MYOCD: variants seen among roughly 807,000 people sequenced by gnomAD.
MYOCD encodes the protein myocardin.
Under a neutral mutation model 96.1 loss-of-function variants are expected in MYOCD, and 32 were observed. The ratio of observed to expected loss-of-function variants is 0.33; its 90% CI spans 0.25 to 0.45. The LOEUF is 0.45. Ranked by LOEUF, MYOCD falls within the 20% of genes least tolerant of loss-of-function variation. MYOCD has a pLI of 1.00. For missense variants in MYOCD, 1,133 were observed against 1,200.6 expected, an observed-to-expected ratio of 0.94 and a Z score of 0.83; for synonymous variants, 469 against 469.0, an observed-to-expected ratio of 1.00 and a Z score of 0.00.
intron 1 of MYOCD, among the ~76,000 whole-genome samples, chr17:12,692,746 T>C (rs572735351): frequency 1.3e-5 from 2 of 152,314 alleles, no homozygotes; most frequent in African/African-American, 4.8e-5. Flanking sequence ...CCGCACCTGG[T>C]TCTCCCTCTT....
rs1325168653 is a variant in MYOCD, at chr17:12,714,359, A to ACACACACACACACACC, written c.122-1157_122-1156insACACACACACACCCAC. On this transcript the variant is annotated intron_variant, in intron 2 of 13. Transcript: ENST00000425538. ...CACACACACACACACACACACACAC[A>ACACACACACACACACC]CACCCCGATCTGGTCAGAAACCTAA... is the stretch of plus-strand genomic sequence containing the variant. 1.5e-4 allele frequency among the ~76,000 whole-genome samples: 22 copies of ACACACACACACACACC among 149,926 alleles called. No homozygotes were observed. The East Asian group carries it at 4.3e-3, about 29-fold the overall frequency.
chr17:12,763,513 A>G lies in MYOCD; in HGVS notation c.2830A>G (p.Thr944Ala). 6.2e-7 allele frequency: 1 copy of G among 1,614,062 alleles called. No homozygotes were observed. Among genetic ancestry groups the G allele is most frequent in the African/African-American group, 1.3e-5 (1 of 75,002 alleles). Residue 944 changes from threonine (T) to alanine (A), a missense_variant, in exon 14 of 14, where the codon ACT becomes GCT. Transcript: ENST00000425538. ...PWETMEWLDL[T>A]PPNSTPGFSA... ...GGAAACCATGGAGTGGCTGGACCTCACTCCGCCAAATTCCACACCAGGCTT... is the reference window on the plus strand; with the variant it reads ...GGAAACCATGGAGTGGCTGGACCTCGCTCCGCCAAATTCCACACCAGGCTT...
intron 1 of MYOCD, among the ~76,000 whole-genome samples, chr17:12,695,751 A>T (rs1441232197): frequency 6.6e-6 from 1 of 152,204 alleles, no homozygotes; most frequent in Non-Finnish European, 1.5e-5. Flanking sequence ...TTAACTGTAC[A>T]GTTCAGTGGC....
At chr17:12,702,455 G>A (rs2031115086) in intron 1 of MYOCD, among the ~76,000 whole-genome samples, 1 of 151,766 alleles carries the variant, frequency 6.6e-6, no homozygotes, top group South Asian at 2.1e-4. Flanking sequence ...TGTGTCTCTT[G>A]CAGACAACAT....
In MYOCD at chr17:12,668,537, G is replaced by A. The variant is rs530350367; in HGVS notation, c.55+2294G>A. On this transcript the variant is annotated intron_variant, in intron 1 of 13. Transcript: ENST00000425538. ...CTATAAGCTGTATTTGAGTGACCTC[G>A]TGATTAAGGACAAAATTGTGCTACA... 6.6e-5 allele frequency among the ~76,000 whole-genome samples: 10 copies of A among 152,242 alleles called. No individual in the cohort carries two copies. The East Asian group carries it at 1.4e-3, about 21-fold the overall frequency.
At chr17:12,751,396 ATATT>A (rs2050390721) in intron 9 of MYOCD, among the ~76,000 whole-genome samples, 2 of 152,100 alleles carry the variant, frequency 1.3e-5, no homozygotes, top group African/African-American at 4.8e-5. Flanking sequence ...ATGTCAGCAA[ATATT>A]TATAGCATCA....
At chr17:12,681,691 G>A (rs1910477411) in intron 1 of MYOCD, among the ~76,000 whole-genome samples, 1 of 152,150 alleles carries the variant, frequency 6.6e-6, no homozygotes. Context: ...AAAGAACAGT[G>A]TGTACCTGGT....
Position 12,766,033 on chromosome 17 carries a change from G to A in MYOCD, c.*2389G>A, listed in dbSNP as rs1245902462. ...TTCCTTTGAAGATGAAGCTACTGGG[G>A]AAGAAAACCTTATTAATACACTCCA... On this transcript the variant is annotated 3_prime_UTR_variant, in exon 14 of 14. Transcript: ENST00000425538. The A allele has an allele frequency of 6.6e-6, 1 of 152,216 alleles. No homozygotes were observed. Among genetic ancestry groups the A allele is most frequent in the African/African-American group, 2.4e-5 (1 of 41,452 alleles). 9.4% of individuals were successfully genotyped at this position (152,216 alleles called of 1,614,324 possible). A position where few individuals can be genotyped will look rare whatever the true frequency, so the allele number is the denominator to read the frequency against.
intron 1 of MYOCD, among the ~76,000 whole-genome samples, chr17:12,682,173 G>C (rs553560965): frequency 3.7e-4 from 56 of 152,282 alleles, no homozygotes; most frequent in African/African-American, 1.3e-3. Context: ...CCCCAAAGAG[G>C]AACATGTCAG....
intron 3 of MYOCD, among the ~76,000 whole-genome samples, chr17:12,716,662 C>G (rs1231765211): frequency 1.3e-5 from 2 of 152,020 alleles, no homozygotes; most frequent in Non-Finnish European, 2.9e-5. Flanking sequence ...TAACTCTGGT[C>G]TTGGTTAATT....
At chr17:12,714,362 C>CA (rs1597772908) in intron 2 of MYOCD, among the ~76,000 whole-genome samples, 20 of 147,748 alleles carry the variant, frequency 1.4e-4, no homozygotes, top group African/African-American at 2.2e-4. Flanking sequence ...CACACACACA[C>CA]CCCGATCTGG....
chr17:12,678,025 T>C (rs1260333276), intron 1 of MYOCD, among the ~76,000 whole-genome samples: 3 of 151,338 alleles, frequency 2.0e-5, no homozygotes, highest in Non-Finnish European at 4.4e-5. Flanking sequence ...CTCGAGTAGC[T>C]GGGACTGCAG....
At chr17:12,676,241 GCACGCACACA>G (rs1240022982) in intron 1 of MYOCD, among the ~76,000 whole-genome samples, 2 of 87,408 alleles carry the variant, frequency 2.3e-5, no homozygotes, top group African/African-American at 3.9e-5. Context: ...CCCTGCGCGC[GCACGCACACA>G]CACACACACA....
At position 12,695,855 on chromosome 17, in the gene MYOCD, C is replaced by T. The variant is rs561573930; in HGVS notation, c.56-9273C>T. Among the ~76,000 whole-genome samples, 16 of 140,808 alleles carry T rather than the reference C, an allele frequency of 1.1e-4. No homozygotes were observed. The East Asian group carries it at 3.5e-3, about 31-fold the overall frequency. 92.4% of individuals were successfully genotyped at this position (140,808 alleles called of 152,430 possible). On this transcript the variant is annotated intron_variant, in intron 1 of 13. Coordinates refer to ENST00000425538, the MANE Select transcript of MYOCD (RefSeq NM_001146312.3). ...AAACTATAACCCCCCATTCTCTCTT[C>T]CCCCAGCCCCTGGAACCCCCCTCCT...
intron 12 of MYOCD, among the ~76,000 whole-genome samples, chr17:12,759,895 T>G (rs1597817606): frequency 6.6e-6 from 1 of 152,216 alleles, no homozygotes; most frequent in African/African-American, 2.4e-5. Context: ...CTCAAACAAC[T>G]GAACCGACTC....
At position 12,693,816 on chromosome 17, in the gene MYOCD, T is replaced by C. The variant is rs1447617867; in HGVS notation, c.56-11312T>C. Among the ~76,000 whole-genome samples the C allele has an allele frequency of 9.9e-4, 150 of 151,880 alleles. 2 individuals are homozygous for C. Among genetic ancestry groups the C allele is most frequent in the Non-Finnish European group, 1.9e-4 (13 of 67,948 alleles). ...CCAGACCTCTGAGTAAAGAGACAAC[T>C]TAAACACAAACATATGACTCCCAAT... On this transcript the variant is annotated intron_variant, in intron 1 of 13. Transcript: ENST00000425538.
At position 12,763,730 on chromosome 17, in the gene MYOCD, CAGAAGA is replaced by C; in HGVS notation, c.*96_*101del. ...CCATACATACTTTACTGTCCAAAAA[CAGAAGA>C]AGAAGAAGAGAATTAAAAAGAAGCA... On this transcript the variant is annotated 3_prime_UTR_variant, in exon 14 of 14. Transcript: ENST00000425538. 1 of 1,154,740 alleles carries C rather than the reference CAGAAGA, an allele frequency of 8.7e-7. No homozygotes were observed. Among genetic ancestry groups the C allele is most frequent in the South Asian group, 1.7e-5 (1 of 60,522 alleles). 71.5% of individuals were successfully genotyped at this position (1,154,740 alleles called of 1,614,324 possible).
rs2031891221 is a variant in MYOCD at position 12,722,977 on chromosome 17, T to C, written c.384T>C (p.Pro128=). ...AGCTGGTGGAAAAAAACATTCTTCC[T>C]GTGGATTCTGCTGTGAAAGAGGCCA... ...PLELVEKNIL[P]VDSAVKEAIK... Residue 128 remains proline (P), a synonymous_variant, in exon 5 of 14, where the codon CCT becomes CCC. Coordinates refer to ENST00000425538, the MANE Select transcript of MYOCD (RefSeq NM_001146312.3). 1 of 1,613,972 alleles carries C rather than the reference T, an allele frequency of 6.2e-7. No individual in the cohort carries two copies. The highest frequency in any genetic ancestry group is 8.5e-7 in the Non-Finnish European group (1 of 1,179,950).
At chr17:12,683,851 A>C (rs2029945907) in intron 1 of MYOCD, among the ~76,000 whole-genome samples, 1 of 152,238 alleles carries the variant, frequency 6.6e-6, no homozygotes, top group Non-Finnish European at 1.5e-5. Context: ...TGTCTAAGAC[A>C]GTGTTTGGAC....
Sources: allele counts gnomAD v4.1 joint callset (sites outside exome capture counted in the v4.1 genomes callset), GRCh38; gene constraint gnomAD v4.1.1; transcripts MANE v1.5; gene names NCBI Gene and HGNC (gene_info 2026-07-23, HGNC 2026-07-21).